Variants in TENT5C observed in about 807,000 individuals in gnomAD.
TENT5C encodes family with sequence similarity 46 member C.
TENT5C carries 5 observed loss-of-function variants against 22.2 expected under a neutral mutation model. The ratio of observed to expected loss-of-function variants is 0.22; its 90% CI spans 0.12 to 0.47. The LOEUF is 0.47. Among genes scored for constraint, TENT5C ranks in the 20% least tolerant of loss-of-function variants. The pLI, the probability that TENT5C is intolerant of heterozygous loss-of-function variation, is 0.99. For synonymous variants in TENT5C, 199 were observed against 195.4 expected (o/e 1.02, Z -0.15); for missense variants, 364 against 500.9 (o/e 0.73, Z 2.61).
At chr1:117,619,433 C>T (rs1570861914) in intron 1 of TENT5C, among the ~76,000 whole-genome samples, 1 of 152,256 alleles carries the variant, frequency 6.6e-6, no homozygotes, top group East Asian at 1.9e-4. Flanking sequence ...TCTGGTATTT[C>T]TGATTTGTTG....
At chr1:117,622,689 A>C (rs1411488564) in intron 1 of TENT5C, among the ~76,000 whole-genome samples, 153 bp from the exon 2 acceptor site, 1 of 152,184 alleles carries the variant, frequency 6.6e-6, no homozygotes, top group African/African-American at 2.4e-5. Flanking sequence ...TTACATATTT[A>C]ACTCATTGAG....
In TENT5C at chr1:117,624,966, T is replaced by C. The variant is rs2101081241; in HGVS notation, c.*922T>C. ...TTATTCTTCCTAAGACTGAGGATTG[T>C]GCTGAGTCCAGAGTCATTGTGGTAA... On this transcript the variant is annotated 3_prime_UTR_variant, in exon 2 of 2. Coordinates refer to ENST00000369448, the MANE Select transcript of TENT5C (RefSeq NM_017709.4). 4.0e-6 allele frequency: 1 copy of C among 248,128 alleles called. No homozygotes were observed. Among genetic ancestry groups the C allele is most frequent in the Non-Finnish European group, 8.5e-6 (1 of 118,106 alleles). 15.4% of individuals were successfully genotyped at this position (248,128 alleles called of 1,614,324 possible).
chr1:117,622,126 A>G (rs1653906090), intron 1 of TENT5C, among the ~76,000 whole-genome samples: 1 of 152,220 alleles, frequency 6.6e-6, no homozygotes, highest in African/African-American at 2.4e-5. Context: ...ATTTTGTCAT[A>G]AAAACCACTC....
rs762584790 is a variant in TENT5C, at chr1:117,624,079, C to T, written c.*35C>T. 6.4e-7 allele frequency: 1 copy of T among 1,556,006 alleles called. No individual in the cohort carries two copies. ...CTGAGGGTTTCCACAGTGGGAACCCCAATAGGGCTAGGGCTCTCAGGTAGG... is the reference window on the plus strand; with the variant it reads ...CTGAGGGTTTCCACAGTGGGAACCCTAATAGGGCTAGGGCTCTCAGGTAGG... On this transcript the variant is annotated 3_prime_UTR_variant, in exon 2 of 2. Coordinates refer to ENST00000369448, the MANE Select transcript of TENT5C (RefSeq NM_017709.4).
chr1:117,606,209 G>A (rs1034739065), intron 1 of TENT5C, 56 bp downstream of exon 1: 1 of 152,086 alleles, frequency 6.6e-6, no homozygotes, highest in African/African-American at 2.4e-5. Context: ...CAGCCCCAGG[G>A]AGCCGCGAGC....
intron 1 of TENT5C, among the ~76,000 whole-genome samples, chr1:117,607,954 T>C (rs1310185557): frequency 6.6e-6 from 1 of 152,182 alleles, no homozygotes; most frequent in African/African-American, 2.4e-5. Flanking sequence ...ACTTTTTCTC[T>C]TAAGGTATAC....
At position 117,621,687 on chromosome 1, in the gene TENT5C, C is replaced by T. The variant is rs368218385; in HGVS notation, c.-27-1155C>T. ...ATGTGGGTCTAGCAAGTCAGAAAGG[C>T]GGAGGGGGTGGGAAAACTGTTTACA... is the stretch of plus-strand genomic sequence containing the variant. On this transcript the variant is annotated intron_variant, in intron 1 of 1. Coordinates refer to ENST00000369448, the MANE Select transcript of TENT5C (RefSeq NM_017709.4). Among the ~76,000 whole-genome samples, 6 of 151,980 alleles carry T rather than the reference C, an allele frequency of 3.9e-5. No homozygotes were observed. In the South Asian group the frequency reaches 6.2e-4, roughly 16 times the overall value.
chr1:117,610,252 C>T lies in TENT5C; in HGVS notation c.-28+4099C>T, dbSNP rs7553346. Among the ~76,000 whole-genome samples the T allele has an allele frequency of 4.5e-3, 684 of 152,192 alleles. 8 individuals carry two copies. Among genetic ancestry groups the T allele is most frequent in the African/African-American group, 0.016 (653 of 41,512 alleles). On this transcript the variant is annotated intron_variant, in intron 1 of 1. Coordinates refer to ENST00000369448, the MANE Select transcript of TENT5C (RefSeq NM_017709.4). ...CTGTGCATTTGGAACTCCATCCAAG[C>T]GCACAGGGACTGCCTGCACCTCTGG...
At chr1:117,616,613 G>A (rs538953064) in intron 1 of TENT5C, among the ~76,000 whole-genome samples, 3 of 152,278 alleles carry the variant, frequency 2.0e-5, no homozygotes, top group African/African-American at 2.4e-5. Flanking sequence ...CAGGCTTGGC[G>A]CATTGCCCAA....
intron 1 of TENT5C, among the ~76,000 whole-genome samples, chr1:117,620,319 T>C (rs1290966502): frequency 6.6e-6 from 1 of 152,210 alleles, no homozygotes; most frequent in Non-Finnish European, 1.5e-5. Context: ...TTAAAAAAAT[T>C]GTTGCTTGTA....
rs965004236 is a variant in TENT5C at position 117,623,278 on chromosome 1, C to T, written c.410C>T (p.Ala137Val). The T allele has an allele frequency of 1.5e-5, 25 of 1,614,174 alleles. No homozygotes were observed. Among genetic ancestry groups the T allele is most frequent in the Non-Finnish European group, 2.0e-5 (24 of 1,180,026 alleles). Residue 137 changes from alanine (A) to valine (V), a missense_variant, in exon 2 of 2, where the codon GCA (alanine) becomes GTA (valine). Physicochemically the swap from Ala to Val is moderately conservative, Grantham distance 64 (BLOSUM62 0). Transcript: ENST00000369448. Reference protein sequence around the residue: ...LKISPVTLKEAYVQKLVKVCT... With the variant: ...LKISPVTLKEVYVQKLVKVCT... Reference sequence around the variant, plus strand: ...ATCAGTCCAGTCACTCTGAAGGAGGCATATGTGCAGAAGCTAGTGAAGGTT... The same window carrying T: ...ATCAGTCCAGTCACTCTGAAGGAGGTATATGTGCAGAAGCTAGTGAAGGTT...
At chr1:117,610,046 C>T (rs1019155287) in intron 1 of TENT5C, among the ~76,000 whole-genome samples, 3 of 152,196 alleles carry the variant, frequency 2.0e-5, no homozygotes, top group Non-Finnish European at 4.4e-5. Context: ...TGACACCAGC[C>T]TCACATGGCT....
At position 117,626,216 on chromosome 1, in the gene TENT5C, G is replaced by A. The variant is rs1654008579; in HGVS notation, c.*2172G>A. On this transcript the variant is annotated 3_prime_UTR_variant, in exon 2 of 2. Coordinates refer to ENST00000369448, the MANE Select transcript of TENT5C (RefSeq NM_017709.4). The stretch of plus-strand genomic sequence containing the variant: ...AAGGCTTGGGGCCCAGGGTAATGAG[G>A]CACCAGATGAAGATAAGATCTGCAT... 1 of 247,796 alleles carries A rather than the reference G, an allele frequency of 4.0e-6. No homozygotes were observed. 15.3% of individuals were successfully genotyped at this position (247,796 alleles called of 1,614,324 possible). A position where few individuals can be genotyped will look rare whatever the true frequency, so the allele number is the denominator to read the frequency against.
In TENT5C at chr1:117,624,161, C is replaced by A; in HGVS notation, c.*117C>A. ...TTTAAAGGGGAACTCAGCTCTGATT[C>A]TGCTTTTTTTTTTTTTTTTCCTTTG... On this transcript the variant is annotated 3_prime_UTR_variant, in exon 2 of 2. Transcript: ENST00000369448. The A allele has an allele frequency of 1.4e-4, 104 of 721,054 alleles. No individual in the cohort carries two copies. Among genetic ancestry groups the A allele is most frequent in the Non-Finnish European group, 2.1e-4 (97 of 457,160 alleles). 44.7% of individuals were successfully genotyped at this position (721,054 alleles called of 1,614,324 possible). A position where few individuals can be genotyped will look rare whatever the true frequency, so the allele number is the denominator to read the frequency against.
In TENT5C at chr1:117,628,229, C is replaced by T; in HGVS notation, c.*4185C>T. The T allele has an allele frequency of 4.0e-6, 1 of 247,196 alleles. No homozygotes were observed. The highest frequency in any genetic ancestry group is 8.5e-6 in the Non-Finnish European group (1 of 117,650). 15.3% of individuals were successfully genotyped at this position (247,196 alleles called of 1,614,324 possible). ...ATAGCCTTTGAAATATTTCTTAGTGCCTAGGAGGTCTGGGGATTCCTCTTT... is the reference window on the plus strand; with the variant it reads ...ATAGCCTTTGAAATATTTCTTAGTGTCTAGGAGGTCTGGGGATTCCTCTTT... On this transcript the variant is annotated 3_prime_UTR_variant, in exon 2 of 2. Coordinates refer to ENST00000369448, the MANE Select transcript of TENT5C (RefSeq NM_017709.4).
intron 1 of TENT5C, among the ~76,000 whole-genome samples, chr1:117,612,802 C>A (rs1653697547): frequency 6.6e-6 from 1 of 152,212 alleles, no homozygotes; most frequent in Non-Finnish European, 1.5e-5. Context: ...CTAAGAGTTG[C>A]TTGTCCCTTT....
At chr1:117,613,739 A>G (rs979270978) in intron 1 of TENT5C, among the ~76,000 whole-genome samples, 6 of 152,196 alleles carry the variant, frequency 3.9e-5, no homozygotes, top group Non-Finnish European at 7.3e-5. Flanking sequence ...GGAGGATGAT[A>G]ATAACCTTAA....
chr1:117,624,260 G>C lies in TENT5C; in HGVS notation c.*216G>C. On this transcript the variant is annotated 3_prime_UTR_variant, in exon 2 of 2. Coordinates refer to ENST00000369448, the MANE Select transcript of TENT5C (RefSeq NM_017709.4). The stretch of plus-strand genomic sequence containing the variant: ...GGACCCGTATTACAGTGCCACGTTG[G>C]AAAACGCTACAGGAAGCATGACCTA... 1 of 549,260 alleles carries C rather than the reference G, an allele frequency of 1.8e-6. No homozygotes were observed. The highest frequency in any genetic ancestry group is 3.0e-5 in the South Asian group (1 of 33,500). 34.0% of individuals were successfully genotyped at this position (549,260 alleles called of 1,614,324 possible). A position where few individuals can be genotyped will look rare whatever the true frequency, so the allele number is the denominator to read the frequency against.
chr1:117,611,400 GAC>G (rs1290726299), intron 1 of TENT5C, among the ~76,000 whole-genome samples: 1 of 152,232 alleles, frequency 6.6e-6, no homozygotes, highest in Non-Finnish European at 1.5e-5. Flanking sequence ...GCTGTGGGGA[GAC>G]CTGGGCTCTG....
Sources: gnomAD v4.1 joint callset for allele counts (sites outside exome capture counted in the v4.1 genomes callset) on GRCh38, gnomAD v4.1.1 for gene constraint, MANE v1.5 for transcripts, NCBI Gene and HGNC (gene_info 2026-07-23, HGNC 2026-07-21) for gene names.